SPDYE10: variants seen among roughly 807,000 people sequenced by gnomAD.
SPDYE10 encodes the protein speedy protein E10.
At chr7:73,141,907 GA>G in the SPDYE10 span, among the ~76,000 whole-genome samples, 4 of 41,144 alleles carry the variant, frequency 9.7e-5, no homozygotes, top group East Asian at 1.3e-3. Context: ...AAGAAAGAAA[GA>G]AAAAAAAAAG....
At chr7:73,114,042 AT>A in the SPDYE10 span, among the ~76,000 whole-genome samples, 1 of 123,602 alleles carries the variant, frequency 8.1e-6, no homozygotes, top group Non-Finnish European at 1.7e-5. Context: ...AAAAAAAAAA[AT>A]AGCTGGGTGT....
At chr7:73,149,295 T>TG in the SPDYE10 span, among the ~76,000 whole-genome samples, 32,018 of 91,074 alleles carry the variant, frequency 0.35, 3,037 homozygotes, top group East Asian at 0.51. Flanking sequence ...AGCTATTTTT[T>TG]GGGGGGGCGG....
At chr7:73,126,842 T>G in the SPDYE10 span, among the ~76,000 whole-genome samples, 1 of 151,088 alleles carries the variant, frequency 6.6e-6, no homozygotes, top group Non-Finnish European at 1.5e-5. Context: ...CTAGCTAATA[T>G]TTGTATTTTT....
At chr7:73,153,512 G>A in the SPDYE10 span, among the ~76,000 whole-genome samples, 2 of 7,222 alleles carry the variant, frequency 2.8e-4, no homozygotes, top group East Asian at 3.1e-3. Context: ...CACGAGAATC[G>A]CTGAACCAAG....
the SPDYE10 span, among the ~76,000 whole-genome samples, chr7:73,123,463 T>A: frequency 2.0e-5 from 3 of 152,224 alleles, no homozygotes; most frequent in Non-Finnish European, 2.9e-5. Flanking sequence ...CATTTCTTTT[T>A]TCATTCTTTT....
the SPDYE10 span, among the ~76,000 whole-genome samples, chr7:73,115,465 GCCTT>G: frequency 1.4e-4 from 21 of 150,574 alleles, no homozygotes; most frequent in African/African-American, 4.2e-4. Flanking sequence ...CAGCATTGCA[GCCTT>G]CCTTCCTTCC....
chr7:73,128,143 A>G, the SPDYE10 span, among the ~76,000 whole-genome samples: 6 of 152,288 alleles, frequency 3.9e-5, no homozygotes, highest in Admixed American at 3.3e-4. Context: ...TAAAGAAAGA[A>G]AAGCTACATA....
chr7:73,145,144 T>TTTTCTTTC, the SPDYE10 span, among the ~76,000 whole-genome samples: 20 of 133,004 alleles, frequency 1.5e-4, no homozygotes, highest in East Asian at 1.0e-3. Flanking sequence ...TTCTTTCTCT[T>TTTTCTTTC]TTTCTTTCTT....
the SPDYE10 span, among the ~76,000 whole-genome samples, chr7:73,134,527 G>GAA: frequency 6.4e-4 from 8 of 12,498 alleles, no homozygotes; most frequent in South Asian, 0.011. Flanking sequence ...TAATAAAAAA[G>GAA]AAAGAAAGAA....
chr7:73,149,514 C>T, the SPDYE10 span, among the ~76,000 whole-genome samples: 1 of 142,962 alleles, frequency 7.0e-6, no homozygotes, highest in East Asian at 2.1e-4. Context: ...GTCTCAATCT[C>T]CTAACCTTGT....
the SPDYE10 span, among the ~76,000 whole-genome samples, chr7:73,140,858 T>G: frequency 6.9e-4 from 103 of 149,466 alleles, no homozygotes; most frequent in African/African-American, 2.4e-3. Context: ...TGACCTCAAG[T>G]GATCCACCCC....
At chr7:73,142,513 G>A in the SPDYE10 span, among the ~76,000 whole-genome samples, 15 of 152,004 alleles carry the variant, frequency 9.9e-5, no homozygotes, top group African/African-American at 1.9e-4. Flanking sequence ...TATAGTACCC[G>A]GCCAAAAAGC....
the SPDYE10 span, among the ~76,000 whole-genome samples, chr7:73,152,086 C>G: frequency 6.9e-6 from 1 of 145,386 alleles, no homozygotes; most frequent in Non-Finnish European, 1.5e-5. Flanking sequence ...GCAATCTTGG[C>G]TCACTGCAAC....
At chr7:73,147,618 C>T in the SPDYE10 span, among the ~76,000 whole-genome samples, 1 of 143,680 alleles carries the variant, frequency 7.0e-6, no homozygotes, top group Non-Finnish European at 1.5e-5. Flanking sequence ...CCTCAGCCTC[C>T]CGAGTAGCTG....
the SPDYE10 span, among the ~76,000 whole-genome samples, chr7:73,113,934 G>A: frequency 2.0e-5 from 3 of 151,906 alleles, no homozygotes; most frequent in African/African-American, 7.3e-5. Context: ...GCTGAGGCAG[G>A]AGAATGGCGT....
At chr7:73,149,651 C>T in the SPDYE10 span, among the ~76,000 whole-genome samples, 1 of 151,766 alleles carries the variant, frequency 6.6e-6, no homozygotes, top group South Asian at 2.1e-4. Context: ...TTCACCTGGG[C>T]TCATGTGTGT....
At chr7:73,150,932 ATAT>A in the SPDYE10 span, among the ~76,000 whole-genome samples, 1 of 22,376 alleles carries the variant, frequency 4.5e-5, no homozygotes, top group Non-Finnish European at 7.5e-5. Flanking sequence ...ATATATATAT[ATAT>A]ATATATATAT....
chr7:73,144,280 ATG>A, the SPDYE10 span, among the ~76,000 whole-genome samples: 3 of 149,004 alleles, frequency 2.0e-5, no homozygotes, highest in Non-Finnish European at 4.4e-5. Context: ...CCCTAGCCCC[ATG>A]GAGAGAGGCA....
At chr7:73,118,141 ACTCT>A in the SPDYE10 span, among the ~76,000 whole-genome samples, 5 of 88,850 alleles carry the variant, frequency 5.6e-5, 1 homozygote, top group East Asian at 1.5e-3. Flanking sequence ...ACACAGCAAG[ACTCT>A]CTGTCAAAAA....
Sources: gnomAD v4.1 joint callset for allele counts (sites outside exome capture counted in the v4.1 genomes callset) on GRCh38, gnomAD v4.1.1 for gene constraint, MANE v1.5 for transcripts, NCBI Gene and HGNC (gene_info 2026-07-23, HGNC 2026-07-21) for gene names.